The following ANO4 variants were observed in gnomAD, a reference collection of about 807,000 sequenced individuals.
The protein encoded by ANO4 is anoctamin 4.
In ANO4, 69 loss-of-function variants were observed where a neutral mutation model predicts 141.9. That is an observed-to-expected ratio of 0.49 (90% CI 0.40 to 0.59). The LOEUF (loss-of-function observed/expected upper bound fraction) is 0.59. Ranked by LOEUF, ANO4 falls within the 20% of genes least tolerant of loss-of-function variation. The pLI is 0.00. For synonymous variants in ANO4, 350 were observed against 394.3 expected, an observed-to-expected ratio of 0.89 and a Z score of 1.33; for missense variants, 894 against 1,162.2, an observed-to-expected ratio of 0.77 and a Z score of 3.36.
chr12:100,729,059 A>G (rs139847796), intron 1 of ANO4, among the ~76,000 whole-genome samples: 2 of 151,728 alleles, frequency 1.3e-5, no homozygotes, highest in East Asian at 1.9e-4. Context: ...TTATAGTTTT[A>G]CCATCCATTA....
intron 1 of ANO4, among the ~76,000 whole-genome samples, chr12:100,861,048 G>A (rs1201815128): frequency 6.6e-6 from 1 of 152,194 alleles, no homozygotes; most frequent in Non-Finnish European, 1.5e-5. Context: ...TGAGAGAGTT[G>A]CCGCTGCTGG....
At chr12:101,047,714 G>GT (rs2047687314) in intron 13 of ANO4, among the ~76,000 whole-genome samples, 1 of 152,136 alleles carries the variant, frequency 6.6e-6, no homozygotes, top group African/African-American at 2.4e-5. Context: ...CTTCTGTGGT[G>GT]TTTGCAATAG....
intron 3 of ANO4, among the ~76,000 whole-genome samples, chr12:100,752,427 A>G (rs544744892): frequency 6.6e-6 from 1 of 152,294 alleles, no homozygotes; most frequent in South Asian, 2.1e-4. Context: ...TATTTATTAC[A>G]TACTCTGATA....
At chr12:100,950,439 C>T (rs920502746) in intron 5 of ANO4, among the ~76,000 whole-genome samples, 2 of 152,172 alleles carry the variant, frequency 1.3e-5, no homozygotes, top group Admixed American at 1.3e-4. Context: ...GAGTGTCTTT[C>T]AGGAGCTACC....
chr12:100,831,569 G>C (rs969397110), intron 1 of ANO4, among the ~76,000 whole-genome samples: 1 of 152,084 alleles, frequency 6.6e-6, no homozygotes, highest in Non-Finnish European at 1.5e-5. Flanking sequence ...AGGGCACTGG[G>C]CTCCTCAGTG....
At chr12:100,820,319 C>G (rs2035970224) in intron 1 of ANO4, among the ~76,000 whole-genome samples, 1 of 147,276 alleles carries the variant, frequency 6.8e-6, no homozygotes, top group African/African-American at 2.5e-5. Flanking sequence ...TGGTTTTATT[C>G]TTACCCCATT....
chr12:100,922,649 T>C (rs1376535050), intron 3 of ANO4, among the ~76,000 whole-genome samples: 1 of 152,122 alleles, frequency 6.6e-6, no homozygotes, highest in South Asian at 2.1e-4. Flanking sequence ...TGATTAATCA[T>C]AATCAAAGAA....
chr12:101,094,721 C>T (rs901135614), intron 18 of ANO4, among the ~76,000 whole-genome samples: 3 of 151,748 alleles, frequency 2.0e-5, no homozygotes, highest in East Asian at 1.9e-4. Context: ...CATGGTGGCT[C>T]ACATCTGTAA....
chr12:100,881,046 G>A (rs151114585), intron 1 of ANO4, among the ~76,000 whole-genome samples: 2 of 148,530 alleles, frequency 1.3e-5, no homozygotes, highest in Admixed American at 6.7e-5. Flanking sequence ...TTGTCCTTGC[G>A]ATAGTTTGCT....
At chr12:101,027,344 C>T (rs2046784097) in intron 9 of ANO4, among the ~76,000 whole-genome samples, 1 of 152,214 alleles carries the variant, frequency 6.6e-6, no homozygotes, top group Admixed American at 6.5e-5. Context: ...TGCAGAGCTC[C>T]TGCGGGGAGG....
chr12:101,106,958 T>A (rs12368470), intron 22 of ANO4, among the ~76,000 whole-genome samples: 34,517 of 151,508 alleles, frequency 0.23, 4,057 homozygotes, highest in Admixed American at 0.29. Context: ...GTCACCTTTG[T>A]GCTATGTAAA....
chr12:101,037,231 AT>A, intron 10 of ANO4, 81 bp downstream of exon 10: 1 of 1,400,212 alleles, frequency 7.1e-7, no homozygotes, highest in Non-Finnish European at 1.0e-6. Context: ...CAATAATTGA[AT>A]TTGTTGACAT....
At chr12:100,805,538 G>A (rs958197116) in intron 1 of ANO4, among the ~76,000 whole-genome samples, 2 of 152,086 alleles carry the variant, frequency 1.3e-5, no homozygotes, top group Non-Finnish European at 2.9e-5. Context: ...AAATTACTTT[G>A]GGCAGTATTG....
At position 100,786,056 on chromosome 12, in the gene ANO4, G is replaced by A. The variant is rs138132032; in HGVS notation, c.358+45951G>A. On this transcript the variant is annotated intron_variant, in intron 3 of 29. Transcript: ENST00000644049. ...GTAATAGAACTTGAAATTGGTTGCA[G>A]AGAAATGAGGGGAAATTCTATAGCA... is the stretch of plus-strand genomic sequence containing the variant. Among the ~76,000 whole-genome samples the A allele has an allele frequency of 9.2e-5, 14 of 152,268 alleles. 1 individual carries two copies. Among genetic ancestry groups the A allele is most frequent in the African/African-American group, 3.4e-4 (14 of 41,560 alleles).
intron 15 of ANO4, among the ~76,000 whole-genome samples, chr12:101,081,790 T>C (rs564510575): frequency 6.6e-6 from 1 of 152,114 alleles, no homozygotes; most frequent in East Asian, 1.9e-4. Context: ...GTTCTAGGCA[T>C]CTTTTCTTGG....
chr12:100,942,540 A>G lies in ANO4; in HGVS notation c.456+5A>G, dbSNP rs1393522606. ...GGATTGCAAATGGAGAAAGAGGTAA[A>G]TAGTTTGCTTGGATGAGAAAAAAAT... On this transcript the variant is annotated splice_donor_5th_base_variant and intron_variant, in intron 5 of 27. Transcript: ENST00000392977. 6.2e-7 allele frequency: 1 copy of G among 1,611,046 alleles called. No homozygotes were observed. The highest frequency in any genetic ancestry group is 1.3e-5 in the African/African-American group (1 of 74,788).
At position 101,083,603 on chromosome 12, in the gene ANO4, G is replaced by A. The variant is rs549751768; in HGVS notation, c.1396-75G>A. On this transcript the variant is annotated intron_variant, in intron 15 of 27. Transcript: ENST00000392977. The stretch of plus-strand genomic sequence containing the variant: ...CAGCTGTTGACTCTGTTTTATGGTG[G>A]GGTAAAATGATATTTCTTTTTTTAT... The A allele has an allele frequency of 7.3e-6, 11 of 1,512,664 alleles. No homozygotes were observed. In the African/African-American group the frequency reaches 1.6e-4, roughly 22 times the overall value. 93.7% of individuals were successfully genotyped at this position (1,512,664 alleles called of 1,614,324 possible).
intron 5 of ANO4, among the ~76,000 whole-genome samples, chr12:100,968,450 A>T (rs1435032827): frequency 6.6e-6 from 1 of 152,116 alleles, no homozygotes; most frequent in Non-Finnish European, 1.5e-5. Context: ...TCATTTGTTT[A>T]ATTCAGTGAC....
intron 1 of ANO4, among the ~76,000 whole-genome samples, chr12:100,892,797 G>C (rs1393473983): frequency 6.9e-6 from 1 of 144,836 alleles, no homozygotes; most frequent in Non-Finnish European, 1.5e-5. Context: ...TTTTTTTTCT[G>C]AATATTTTCT....
Sources: allele counts gnomAD v4.1 joint callset (sites outside exome capture counted in the v4.1 genomes callset), GRCh38; gene constraint gnomAD v4.1.1; transcripts MANE v1.5; gene names NCBI Gene and HGNC (gene_info 2026-07-23, HGNC 2026-07-21).